The following BRMS1 variants were observed in gnomAD, a reference collection of about 807,000 sequenced individuals.
BRMS1 encodes breast cancer metastasis-suppressor 1.
A neutral mutation model predicts 40.4 loss-of-function variants in BRMS1; 26 were observed. That is an observed-to-expected ratio of 0.64 (90% CI 0.47 to 0.89). The LOEUF (loss-of-function observed/expected upper bound fraction) is 0.89, where lower values mean the gene tolerates loss of function less well. BRMS1 is among the 40% of genes least tolerant of loss of function. The pLI is 0.00. For missense variants in BRMS1, 289 were observed against 309.4 expected, an observed-to-expected ratio of 0.93 and a Z score of 0.49; for synonymous variants, 103 against 116.0, an observed-to-expected ratio of 0.89 and a Z score of 0.72.
Position 66,337,538 on chromosome 11 carries a change from A to C in BRMS1, c.*344T>G. The stretch of plus-strand genomic sequence containing the variant: ...CCCTGAGGCCGGACAGCCTGCATCC[A>C]ACATCAGCAAGAGGATGTGGCTTTG... On this transcript the variant is annotated 3_prime_UTR_variant, in exon 10 of 10. Transcript: ENST00000359957. 3 of 770,856 alleles carry C rather than the reference A, an allele frequency of 3.9e-6. No individual in the cohort carries two copies. The highest frequency in any genetic ancestry group is 6.1e-6 in the Non-Finnish European group (3 of 490,776). 47.8% of individuals were successfully genotyped at this position (770,856 alleles called of 1,614,324 possible).
In BRMS1 at chr11:66,337,874, C is replaced by G; in HGVS notation, c.*8G>C. The G allele has an allele frequency of 6.2e-7, 1 of 1,613,964 alleles. No homozygotes were observed. Among genetic ancestry groups the G allele is most frequent in the South Asian group, 1.1e-5 (1 of 91,056 alleles). On this transcript the variant is annotated 3_prime_UTR_variant, in exon 10 of 10. Coordinates refer to ENST00000359957, the MANE Select transcript of BRMS1 (RefSeq NM_015399.4). ...CTCTGAGGGTCCCCCTGGCTGTGAA[C>G]AGCAGGGTCAAGGTCCTGTGCATAT...
chr11:66,342,024 G>T, intron 2 of BRMS1, 72 bp downstream of exon 2: 1 of 1,498,844 alleles, frequency 6.7e-7, no homozygotes, highest in South Asian at 1.2e-5. Context: ...GTGTGTAGGG[G>T]CTGTGTGTGT....
intron 1 of BRMS1, among the ~76,000 whole-genome samples, chr11:66,344,329 G>A (rs1855154983): frequency 6.6e-6 from 1 of 152,182 alleles, no homozygotes; most frequent in African/African-American, 2.4e-5. Context: ...GTTGTGTATA[G>A]TAAGCCTGGC....
Position 66,341,740 on chromosome 11 carries a change from G to T in BRMS1, c.140-117C>A. 1.1e-6 allele frequency: 1 copy of T among 875,168 alleles called. No individual in the cohort carries two copies. Among genetic ancestry groups the T allele is most frequent in the Non-Finnish European group, 1.9e-6 (1 of 522,372 alleles). 54.2% of individuals were successfully genotyped at this position (875,168 alleles called of 1,614,324 possible). ...GCATGCCTGTGTGTAGGGCCTGTGT[G>T]TGTGTGCGCGTACATGCTTGTGTGA... is the stretch of plus-strand genomic sequence containing the variant. On this transcript the variant is annotated intron_variant, in intron 2 of 9. Coordinates refer to ENST00000359957, the MANE Select transcript of BRMS1 (RefSeq NM_015399.4). This position sits in a 1 kb window ranked among gnomAD's most constrained non-coding sequence, Gnocchi z 4.9.
At position 66,337,417 on chromosome 11, in the gene BRMS1, C is replaced by T. The variant is rs1173489247; in HGVS notation, c.*465G>A. 1 of 497,462 alleles carries T rather than the reference C, an allele frequency of 2.0e-6. No homozygotes were observed. The highest frequency in any genetic ancestry group is 3.6e-6 in the Non-Finnish European group (1 of 276,712). The allele number at this position is 497,462 out of a possible 1,614,324, so 30.8% of individuals were successfully genotyped here. A position where few individuals can be genotyped will look rare whatever the true frequency, so the allele number is the denominator to read the frequency against. On this transcript the variant is annotated 3_prime_UTR_variant, in exon 10 of 10. Coordinates refer to ENST00000359957, the MANE Select transcript of BRMS1 (RefSeq NM_015399.4). ...AACTGCCCTGAGAACACCTGGGGGG[C>T]CTGGCATCTTGCCTCCAGATCCAGC... is the stretch of plus-strand genomic sequence containing the variant.
At chr11:66,338,592 AG>A in intron 8 of BRMS1, 128 bp downstream of exon 8, 1 of 1,567,556 alleles carries the variant, frequency 6.4e-7, no homozygotes, top group African/African-American at 1.4e-5. Context: ...ACTGCGATCC[AG>A]GGACTCTGGG....
intron 1 of BRMS1, among the ~76,000 whole-genome samples, chr11:66,343,949 A>G (rs903795695): frequency 4.6e-5 from 7 of 152,216 alleles, no homozygotes; most frequent in Non-Finnish European, 1.0e-4. Context: ...TAAGAAGAAG[A>G]AAACAGTCCT....
chr11:66,341,003 G>A lies in BRMS1; in HGVS notation c.402C>T (p.Tyr134=), dbSNP rs753783270. 23 of 1,613,968 alleles carry A rather than the reference G, an allele frequency of 1.4e-5. No individual in the cohort carries two copies. The highest frequency in any genetic ancestry group is 1.1e-4 in the South Asian group (10 of 91,088). Residue 134 remains tyrosine (Y), a synonymous_variant, in exon 5 of 10, where the codon TAC becomes TAT. Coordinates refer to ENST00000359957, the MANE Select transcript of BRMS1 (RefSeq NM_015399.4). This position sits in a 1 kb window ranked among gnomAD's most constrained non-coding sequence, Gnocchi z 4.9. ...GTTTGGCTCCCTGCAGCTCACATTC[G>A]TACTTATTCCTGATCACATCCAGAC... is the stretch of plus-strand genomic sequence containing the variant. ...GFCLDVIRNK[Y]ECELQGAKQH...
chr11:66,341,706 T>C lies in BRMS1; in HGVS notation c.140-83A>G, dbSNP rs1228142038. 2 of 1,128,870 alleles carry C rather than the reference T, an allele frequency of 1.8e-6. No individual in the cohort carries two copies. The highest frequency in any genetic ancestry group is 1.5e-5 in the African/African-American group (1 of 65,808). 69.9% of individuals were successfully genotyped at this position (1,128,870 alleles called of 1,614,324 possible). On this transcript the variant is annotated intron_variant, in intron 2 of 9. Transcript: ENST00000359957. This position sits in a 1 kb window ranked among gnomAD's most constrained non-coding sequence, Gnocchi z 4.9. ...TGTGCATGTGCGTCCTGCATGTGTGTGTGTGCATGCATGCCTGTGTGTAGG... is the reference window on the plus strand; with the variant it reads ...TGTGCATGTGCGTCCTGCATGTGTGCGTGTGCATGCATGCCTGTGTGTAGG...
intron 2 of BRMS1, 27 bp downstream of exon 2, chr11:66,342,069 T>TGTGTGA (rs2134966338): frequency 6.2e-7 from 1 of 1,606,716 alleles, no homozygotes; most frequent in South Asian, 1.1e-5. Flanking sequence ...TGTGTGTGTG[T>TGTGTGA]GTGTGTCTGT....
chr11:66,343,898 G>A (rs1241641537), intron 1 of BRMS1, among the ~76,000 whole-genome samples: 1 of 152,210 alleles, frequency 6.6e-6, no homozygotes, highest in Non-Finnish European at 1.5e-5. Flanking sequence ...CTGCCAAGGA[G>A]TAATTGCACT....
chr11:66,344,663 G>C (rs1162911806), intron 1 of BRMS1: 1 of 152,282 alleles, frequency 6.6e-6, no homozygotes, highest in Non-Finnish European at 1.5e-5. Flanking sequence ...GGATGGAAAA[G>C]CACACTGTAA....
intron 1 of BRMS1, 21 bp from the exon 2 acceptor site, chr11:66,342,262 A>G: frequency 6.2e-7 from 1 of 1,609,914 alleles, no homozygotes. Flanking sequence ...GAATGGAGCT[A>G]TCACTTATGG....
At chr11:66,338,094 A>G in intron 9 of BRMS1, 149 bp downstream of exon 9, 5 of 1,241,724 alleles carry the variant, frequency 4.0e-6, no homozygotes, top group Non-Finnish European at 5.6e-6. Context: ...AACTCCCACA[A>G]GCCCCTCAAA....
In BRMS1 at chr11:66,337,378, A is replaced by G; in HGVS notation, c.*504T>C. 1 of 400,676 alleles carries G rather than the reference A, an allele frequency of 2.5e-6. No individual in the cohort carries two copies. Among genetic ancestry groups the G allele is most frequent in the African/African-American group, 2.0e-5 (1 of 50,932 alleles). The allele number at this position is 400,676 out of a possible 1,614,324, so 24.8% of individuals were successfully genotyped here. A position where few individuals can be genotyped will look rare whatever the true frequency, so the allele number is the denominator to read the frequency against. On this transcript the variant is annotated 3_prime_UTR_variant, in exon 10 of 10. Transcript: ENST00000359957. ...TTAATTCCAGTCCTTGGAATCTGAG[A>G]AGCAGACACCAAGAACTGCCCTGAG...
At position 66,338,790 on chromosome 11, in the gene BRMS1, G is replaced by A. The variant is rs143489952; in HGVS notation, c.629-5C>T. On this transcript the variant is annotated splice_region_variant and splice_polypyrimidine_tract_variant and intron_variant, in intron 7 of 9. Coordinates refer to ENST00000359957, the MANE Select transcript of BRMS1 (RefSeq NM_015399.4). ...GCATGTACACGATGTATGGGCCTGT[G>A]GTGGGGGTCAAGGAAGCCTAGTGGA... 0.046 allele frequency: 70,661 copies of A among 1,534,088 alleles called. 1,874 individuals are homozygous for A. Among genetic ancestry groups the A allele is most frequent in the Middle Eastern group, 0.058 (330 of 5,654 alleles).
rs945984057 is a variant in BRMS1 at position 66,338,092 on chromosome 11, C to G, written c.733+151G>C. 81 of 1,239,528 alleles carry G rather than the reference C, an allele frequency of 6.5e-5. 1 individual carries two copies. In the African/African-American group the frequency reaches 1.0e-3, roughly 15 times the overall value. 76.8% of individuals were successfully genotyped at this position (1,239,528 alleles called of 1,614,324 possible). ...CTGGTTCCTGCTCCTCAAACTCCCA[C>G]AAGCCCCTCAAATCTAGACCATCCT... is the stretch of plus-strand genomic sequence containing the variant. On this transcript the variant is annotated intron_variant, in intron 9 of 9. Coordinates refer to ENST00000359957, the MANE Select transcript of BRMS1 (RefSeq NM_015399.4).
chr11:66,337,838 A>G lies in BRMS1; in HGVS notation c.*44T>C, dbSNP rs776691413. On this transcript the variant is annotated 3_prime_UTR_variant, in exon 10 of 10. Transcript: ENST00000359957. ...GGAGGAAGACGAGAATCCTGGGTGC[A>G]GTGCCAGCTGCTCTGAGGGTCCCCC... 6.2e-7 allele frequency: 1 copy of G among 1,614,200 alleles called. No individual in the cohort carries two copies. The highest frequency in any genetic ancestry group is 1.1e-5 in the South Asian group (1 of 91,088).
In BRMS1 at chr11:66,341,745, T is replaced by C. The variant is rs530078160; in HGVS notation, c.140-122A>G. On this transcript the variant is annotated intron_variant, in intron 2 of 9. Coordinates refer to ENST00000359957, the MANE Select transcript of BRMS1 (RefSeq NM_015399.4). This position sits in a 1 kb window ranked among gnomAD's most constrained non-coding sequence, Gnocchi z 4.9. The stretch of plus-strand genomic sequence containing the variant: ...CCTGTGTGTAGGGCCTGTGTGTGTG[T>C]GCGCGTACATGCTTGTGTGAAGGGG... The C allele has an allele frequency of 3.8e-5, 32 of 846,112 alleles. No individual in the cohort carries two copies. Among genetic ancestry groups the C allele is most frequent in the African/African-American group, 8.2e-5 (5 of 60,658 alleles). The allele number at this position is 846,112 out of a possible 1,614,324, so 52.4% of individuals were successfully genotyped here.
Sources: allele counts gnomAD v4.1 joint callset (sites outside exome capture counted in the v4.1 genomes callset), GRCh38; gene constraint gnomAD v4.1.1; non-coding constraint Gnocchi (gnomAD v3.1); transcripts MANE v1.5; gene names NCBI Gene and HGNC (gene_info 2026-07-23, HGNC 2026-07-21).